RABL6: variants seen among roughly 807,000 people sequenced by gnomAD.
The protein encoded by RABL6 is RAB, member RAS oncogene family like 6, also known as rab-like protein 6.
In RABL6, 28 loss-of-function variants were observed where a neutral mutation model predicts 72.9. The observed-to-expected ratio is 0.38, with a 90% confidence interval of 0.28 to 0.53. The LOEUF (loss-of-function observed/expected upper bound fraction) is 0.53, where lower values mean the gene tolerates loss of function less well. Among genes scored for constraint, RABL6 ranks in the 20% least tolerant of loss-of-function variants. RABL6 has a pLI of 0.80. For missense variants in RABL6, 1,029 were observed against 1,008.4 expected, an observed-to-expected ratio of 1.02 and a Z score of -0.28; for synonymous variants, 477 against 421.2, an observed-to-expected ratio of 1.13 and a Z score of -1.62.
chr9:136,829,053 C>T (rs960075160), intron 4 of RABL6, among the ~76,000 whole-genome samples: 19 of 152,182 alleles, frequency 1.2e-4, no homozygotes, highest in African/African-American at 3.6e-4. Context: ...CCTTCCGGAA[C>T]GCACATCTAG....
At chr9:136,833,804 T>G (rs1470456732) in intron 7 of RABL6, 2 of 1,550,538 alleles carry the variant, frequency 1.3e-6, no homozygotes, top group South Asian at 1.2e-5. Context: ...CTGGGACTGC[T>G]GCTGGGGACG....
At chr9:136,835,565 C>T in intron 7 of RABL6, 177 bp from the exon 8 acceptor site, 1 of 586,670 alleles carries the variant, frequency 1.7e-6, no homozygotes, top group Non-Finnish European at 3.0e-6. Flanking sequence ...ATCCTCTGGG[C>T]TTCTGTGGTT....
chr9:136,821,617 C>T (rs1256610993), intron 1 of RABL6: 1 of 987,454 alleles, frequency 1.0e-6, no homozygotes, highest in Non-Finnish European at 1.2e-6. Flanking sequence ...CGGGTTCCTG[C>T]CTCGGGCCGG....
rs1319608551 is a variant in RABL6, at chr9:136,823,553, C to T, written c.159C>T (p.Asn53=). 1 of 1,613,768 alleles carries T rather than the reference C, an allele frequency of 6.2e-7. No individual in the cohort carries two copies. Among genetic ancestry groups the T allele is most frequent in the East Asian group, 2.2e-5 (1 of 44,902 alleles). The part of the protein sequence containing the change: ...NMKIVIRGDR[N]TGKTALWHRL... ...AGATAGTGATCCGGGGAGACAGGAA[C>T]ACGGGCAAGACAGCGCTGTGGCACC... Residue 53 remains asparagine, a synonymous_variant, in exon 2 of 15, where the codon AAC becomes AAT. Transcript: ENST00000311502.
chr9:136,813,312 G>C (rs1039895437), intron 1 of RABL6: 5 of 650,016 alleles, frequency 7.7e-6, no homozygotes, highest in Non-Finnish European at 1.1e-5. Flanking sequence ...TGCCATTTTG[G>C]TTCTGGGGCA....
intron 6 of RABL6, 162 bp from the exon 7 acceptor site, chr9:136,832,103 C>T: frequency 2.3e-6 from 2 of 868,974 alleles, no homozygotes; most frequent in South Asian, 3.5e-5. Flanking sequence ...TGCAGAAGGG[C>T]ACTCGGCTTA....
chr9:136,834,492 T>G (rs1848547480), intron 7 of RABL6: 1 of 971,272 alleles, frequency 1.0e-6, no homozygotes, highest in South Asian at 4.8e-5. Flanking sequence ...AATACACTCT[T>G]TTTTTTGGAG....
In RABL6 at chr9:136,818,401, AAAAC is replaced by A. The variant is rs1848169501; in HGVS notation, c.131-5123_131-5120del. ...AAAAAAAAAAAAAAAAAAAAAAAAA[AAAAC>A]CAAAGGTAAGCAAAGAAACTGGTAA... is the stretch of plus-strand genomic sequence containing the variant. On this transcript the variant is annotated intron_variant, in intron 1 of 14. Transcript: ENST00000311502. 1.3e-4 allele frequency among the ~76,000 whole-genome samples: 4 copies of A among 30,288 alleles called. 1 individual carries two copies. The highest frequency in any genetic ancestry group is 1.3e-3 in the East Asian group (1 of 754). The allele number at this position is 30,288 out of a possible 152,430, so 19.9% of individuals were successfully genotyped here.
intron 1 of RABL6, chr9:136,809,467 A>G: frequency 3.2e-6 from 1 of 315,656 alleles, no homozygotes; most frequent in Non-Finnish European, 6.6e-6. Context: ...GATAAGTCTG[A>G]GCATCTAGGT....
chr9:136,838,313 CAT>C (rs1848622054), intron 10 of RABL6, among the ~76,000 whole-genome samples: 1 of 152,204 alleles, frequency 6.6e-6, no homozygotes, highest in Non-Finnish European at 1.5e-5. Context: ...CACTGCAGGT[CAT>C]ATGGGAGGTT....
In RABL6 at chr9:136,830,243, C is replaced by CT. The variant is rs1286541564; in HGVS notation, c.458+759_458+760insT. On this transcript the variant is annotated intron_variant, in intron 5 of 14. Transcript: ENST00000311502. ...TCTCTTACTTGGGAAGACCCCCACA[C>CT]CAGGGTTAAGCGTACCGCCTGTCAC... Among the ~76,000 whole-genome samples, 3 of 152,238 alleles carry CT rather than the reference C, an allele frequency of 2.0e-5. No individual in the cohort carries two copies. In the East Asian group the frequency reaches 5.8e-4, roughly 29 times the overall value.
At position 136,838,130 on chromosome 9, in the gene RABL6, CT is replaced by C. The variant is rs1290580214; in HGVS notation, c.1280+116del. The C allele has an allele frequency of 9.2e-6, 12 of 1,311,166 alleles. No individual in the cohort carries two copies. The East Asian group carries it at 3.0e-4, about 33-fold the overall frequency. The allele number at this position is 1,311,166 out of a possible 1,614,324, so 81.2% of individuals were successfully genotyped here. Reference sequence around the variant, plus strand: ...GAAGGGGCCCCCCGCCGGCTGGTCACTGTTGGCTGAGGACAGAGCAGCTCTG... The same window carrying C: ...GAAGGGGCCCCCCGCCGGCTGGTCACGTTGGCTGAGGACAGAGCAGCTCTG... On this transcript the variant is annotated intron_variant, in intron 10 of 14. Coordinates refer to ENST00000311502, the MANE Select transcript of RABL6 (RefSeq NM_024718.5).
chr9:136,823,839 C>T (rs889128802), intron 2 of RABL6, among the ~76,000 whole-genome samples, 180 bp downstream of exon 2: 7 of 152,256 alleles, frequency 4.6e-5, no homozygotes, highest in Admixed American at 2.0e-4. Context: ...GATCACCCTG[C>T]TGCCTGAGTG....
At chr9:136,811,658 A>T (rs1489647871) in intron 1 of RABL6, among the ~76,000 whole-genome samples, 4 of 151,328 alleles carry the variant, frequency 2.6e-5, no homozygotes, top group African/African-American at 9.7e-5. Context: ...ACACCCAGCT[A>T]ATTTTGGTAT....
Position 136,823,729 on chromosome 9 carries a change from G to A in RABL6, c.265+70G>A, listed in dbSNP as rs958130969. The A allele has an allele frequency of 4.7e-6, 7 of 1,490,936 alleles. No individual in the cohort carries two copies. The African/African-American group carries it at 9.8e-5, about 21-fold the overall frequency. 92.4% of individuals were successfully genotyped at this position (1,490,936 alleles called of 1,614,324 possible). On this transcript the variant is annotated intron_variant, in intron 2 of 14. Coordinates refer to ENST00000311502, the MANE Select transcript of RABL6 (RefSeq NM_024718.5). ...CCTCCCTCAGCCCTGGTTCCTGGGA[G>A]ATGCATTCCCCAGAGGGGGTCTCCC...
At chr9:136,813,059 C>T (rs923598821) in intron 1 of RABL6, 7 of 377,802 alleles carry the variant, frequency 1.9e-5, no homozygotes, top group Admixed American at 9.5e-5. Context: ...TTGGGGCACC[C>T]GGTTTCCTGG....
chr9:136,830,548 C>T (rs974793889), intron 5 of RABL6, among the ~76,000 whole-genome samples: 2 of 152,264 alleles, frequency 1.3e-5, no homozygotes, highest in African/African-American at 2.4e-5. Flanking sequence ...CTCACCTGGG[C>T]GAGCAGTGGT....
chr9:136,810,913 G>C (rs1847997851), intron 1 of RABL6, among the ~76,000 whole-genome samples: 1 of 152,200 alleles, frequency 6.6e-6, no homozygotes, highest in Non-Finnish European at 1.5e-5. Context: ...AGAGTCGAGG[G>C]TTTTGGGGGT....
intron 1 of RABL6, 156 bp downstream of exon 1, chr9:136,808,482 G>A: frequency 7.3e-6 from 6 of 818,494 alleles, no homozygotes; most frequent in Non-Finnish European, 9.7e-6. Flanking sequence ...GCGCGGGCCA[G>A]GGGACGCGAG....
Sources: allele counts gnomAD v4.1 joint callset (sites outside exome capture counted in the v4.1 genomes callset), GRCh38; gene constraint gnomAD v4.1.1; transcripts MANE v1.5; gene names NCBI Gene and HGNC (gene_info 2026-07-23, HGNC 2026-07-21).